Variants in SGCZ observed in about 807,000 individuals in gnomAD.
The protein encoded by SGCZ is sarcoglycan zeta.
A neutral mutation model predicts 41.3 loss-of-function variants in SGCZ; 40 were observed. The observed-to-expected ratio is 0.97, with a 90% CI of 0.75 to 1.26. SGCZ has a LOEUF of 1.26. Ranked by LOEUF, SGCZ falls within the 50% of genes most tolerant of loss-of-function variation. The pLI is 0.00. For synonymous variants in SGCZ, 206 were observed against 137.5 expected, an observed-to-expected ratio of 1.50 and a Z score of -3.49; for missense variants, 552 against 369.8, an observed-to-expected ratio of 1.49 and a Z score of -4.04.
intron 1 of SGCZ, among the ~76,000 whole-genome samples, chr8:14,810,274 A>C (rs1032785465): frequency 7.9e-5 from 12 of 152,080 alleles, no homozygotes; most frequent in African/African-American, 2.7e-4. Context: ...AAGTTTTAGA[A>C]CTTTAAATCA....
chr8:15,065,552 C>G (rs915891927), intron 1 of SGCZ, among the ~76,000 whole-genome samples: 1 of 151,936 alleles, frequency 6.6e-6, no homozygotes, highest in East Asian at 2.0e-4. Context: ...TCAAGCCAAC[C>G]TCCTACCTCA....
chr8:14,690,882 T>C (rs1053699958), intron 1 of SGCZ, among the ~76,000 whole-genome samples: 11 of 152,196 alleles, frequency 7.2e-5, no homozygotes, highest in African/African-American at 2.7e-4. Context: ...AGAGTACATA[T>C]GTGTTAGTGT....
intron 4 of SGCZ, among the ~76,000 whole-genome samples, chr8:14,199,113 C>T (rs1805372617): frequency 6.6e-6 from 1 of 152,194 alleles, no homozygotes; most frequent in African/African-American, 2.4e-5. Flanking sequence ...CCAGGCGGAA[C>T]AGAGCCATAT....
intron 1 of SGCZ, among the ~76,000 whole-genome samples, chr8:14,707,060 G>C (rs1015359737): frequency 5.4e-5 from 8 of 148,238 alleles, no homozygotes; most frequent in Non-Finnish European, 1.2e-4. Flanking sequence ...TATACTTTAA[G>C]TTTTAGGGTA....
At position 14,526,459 on chromosome 8, in the gene SGCZ, C is replaced by T. The variant is rs199786770; in HGVS notation, c.234+28273G>A. On this transcript the variant is annotated intron_variant, in intron 2 of 7. Transcript: ENST00000382080. The stretch of plus-strand genomic sequence containing the variant: ...AATTACATGGGAAATTATAAACATA[C>T]CTTTTAAAAAACATTATTTATAACA... 7.2e-5 allele frequency among the ~76,000 whole-genome samples: 11 copies of T among 152,092 alleles called. No individual in the cohort carries two copies. The East Asian group carries it at 1.9e-3, about 27-fold the overall frequency.
At chr8:14,648,695 G>A (rs533191952) in intron 1 of SGCZ, among the ~76,000 whole-genome samples, 186 of 152,060 alleles carry the variant, frequency 1.2e-3, no homozygotes, top group Non-Finnish European at 1.9e-3. Context: ...AAATTATCAA[G>A]GTGTGCAAGA....
At chr8:14,234,442 G>C (rs1006728973) in intron 4 of SGCZ, among the ~76,000 whole-genome samples, 1 of 151,956 alleles carries the variant, frequency 6.6e-6, no homozygotes, top group African/African-American at 2.4e-5. Flanking sequence ...GGTACAATGA[G>C]AATAAAATAT....
chr8:14,829,337 C>G (rs1222555881), intron 1 of SGCZ, among the ~76,000 whole-genome samples: 1 of 144,010 alleles, frequency 6.9e-6, no homozygotes, highest in Admixed American at 6.9e-5. Flanking sequence ...AACGTCAATT[C>G]TTCAGGGATA....
intron 1 of SGCZ, among the ~76,000 whole-genome samples, chr8:14,858,994 A>C (rs1420345925): frequency 6.6e-6 from 1 of 152,108 alleles, no homozygotes; most frequent in African/African-American, 2.4e-5. Flanking sequence ...TTTTGAAAAA[A>C]AGACCTAATA....
At chr8:14,474,938 T>C (rs1801315810) in intron 2 of SGCZ, among the ~76,000 whole-genome samples, 1 of 152,190 alleles carries the variant, frequency 6.6e-6, no homozygotes, top group Admixed American at 6.5e-5. Context: ...TTGGATGTCT[T>C]TATAGTTGAA....
At chr8:14,822,509 C>T (rs1190421354) in intron 1 of SGCZ, among the ~76,000 whole-genome samples, 1 of 152,084 alleles carries the variant, frequency 6.6e-6, no homozygotes, top group African/African-American at 2.4e-5. Flanking sequence ...ACAAAAGACC[C>T]TAAATAGCCA....
intron 7 of SGCZ, among the ~76,000 whole-genome samples, chr8:14,093,468 T>C (rs879420270): frequency 1.3e-5 from 2 of 152,146 alleles, no homozygotes; most frequent in Non-Finnish European, 2.9e-5. Context: ...TTTCCTGTAA[T>C]TCTTCCTCTT....
intron 2 of SGCZ, among the ~76,000 whole-genome samples, chr8:14,492,120 G>C (rs773751509): frequency 6.6e-6 from 1 of 152,118 alleles, no homozygotes; most frequent in Non-Finnish European, 1.5e-5. Flanking sequence ...TAAAGCGAGA[G>C]AATAATAGAT....
intron 1 of SGCZ, among the ~76,000 whole-genome samples, chr8:14,594,663 A>G (rs941748528): frequency 3.3e-5 from 5 of 151,908 alleles, no homozygotes; most frequent in African/African-American, 1.2e-4. Flanking sequence ...CAGGCACTCT[A>G]AAAGGGCATG....
chr8:15,229,631 G>C (rs181317336), intron 1 of SGCZ, among the ~76,000 whole-genome samples: 10 of 152,196 alleles, frequency 6.6e-5, no homozygotes, highest in Non-Finnish European at 8.8e-5. Flanking sequence ...AAGAAATCTT[G>C]AGGTAAGCGA....
intron 1 of SGCZ, among the ~76,000 whole-genome samples, chr8:15,060,689 T>C (rs1346418785): frequency 6.8e-6 from 1 of 147,720 alleles, no homozygotes; most frequent in Non-Finnish European, 1.5e-5. Flanking sequence ...AAAAAAAAAG[T>C]CTCCCTTTGG....
chr8:14,304,348 C>T (rs1801284984), intron 3 of SGCZ, among the ~76,000 whole-genome samples: 1 of 152,030 alleles, frequency 6.6e-6, no homozygotes, highest in Non-Finnish European at 1.5e-5. Context: ...AATACCATCA[C>T]TTTGGGATGC....
chr8:14,383,433 G>A (rs1804443733), intron 2 of SGCZ, among the ~76,000 whole-genome samples: 1 of 152,158 alleles, frequency 6.6e-6, no homozygotes, highest in South Asian at 2.1e-4. Context: ...TATAATCTCA[G>A]GTTACATATG....
At chr8:14,479,738 T>TTTTTTTTC (rs1563356527) in intron 2 of SGCZ, among the ~76,000 whole-genome samples, 26 of 21,338 alleles carry the variant, frequency 1.2e-3, no homozygotes, top group African/African-American at 2.8e-3. Flanking sequence ...CTTCTTTTTT[T>TTTTTTTTC]TTTTTTTTTT....
Sources: allele counts gnomAD v4.1 joint callset (sites outside exome capture counted in the v4.1 genomes callset), GRCh38; gene constraint gnomAD v4.1.1; transcripts MANE v1.5; gene names NCBI Gene and HGNC (gene_info 2026-07-23, HGNC 2026-07-21).